FBXO33: variants seen among roughly 807,000 people sequenced by gnomAD.
The protein encoded by FBXO33 is F-box protein 33.
FBXO33 carries 22 observed loss-of-function variants against 46.3 expected under a neutral mutation model. The ratio of observed to expected loss-of-function variants is 0.48; its 90% confidence interval spans 0.34 to 0.68. The LOEUF is 0.68. Ranked by LOEUF, FBXO33 falls within the 30% of genes least tolerant of loss-of-function variation. FBXO33 has a pLI of 0.01. For synonymous variants in FBXO33, 337 were observed against 291.3 expected (o/e 1.16, Z -1.60); for missense variants, 692 against 708.8 (o/e 0.98, Z 0.27).
chr14:39,411,746 C>G (rs536464719), intron 1 of FBXO33, among the ~76,000 whole-genome samples: 1 of 152,210 alleles, frequency 6.6e-6, no homozygotes, highest in African/African-American at 2.4e-5. Flanking sequence ...TGGTCTCGAT[C>G]TCTTGACCTC....
intron 1 of FBXO33, among the ~76,000 whole-genome samples, chr14:39,409,477 C>T (rs1343972305): frequency 6.6e-6 from 1 of 152,170 alleles, no homozygotes; most frequent in South Asian, 2.1e-4. Context: ...GTTTTGATTA[C>T]TGCAGCTTTG....
intron 1 of FBXO33, among the ~76,000 whole-genome samples, chr14:39,420,774 G>T (rs73285591): frequency 0.021 from 3,268 of 152,210 alleles, 124 homozygotes; most frequent in African/African-American, 0.075. Context: ...GTATTAATGG[G>T]GGTTCATGTG....
At chr14:39,413,906 T>G (rs1380392871) in intron 1 of FBXO33, among the ~76,000 whole-genome samples, 1 of 152,202 alleles carries the variant, frequency 6.6e-6, no homozygotes, top group Admixed American at 6.5e-5. Context: ...ACAGGCAGAG[T>G]AGATTTAGCA....
chr14:39,399,473 C>T lies in FBXO33; in HGVS notation c.*43G>A. ...ACTGAAAAAAAAACATAATAGGACCCTACTTGCATATGTAACCACAGGAAT... is the reference window on the plus strand; with the variant it reads ...ACTGAAAAAAAAACATAATAGGACCTTACTTGCATATGTAACCACAGGAAT... On this transcript the variant is annotated 3_prime_UTR_variant, in exon 4 of 4. Coordinates refer to ENST00000298097, the MANE Select transcript of FBXO33 (RefSeq NM_203301.4). 6.4e-7 allele frequency: 1 copy of T among 1,555,516 alleles called. No homozygotes were observed. Among genetic ancestry groups the T allele is most frequent in the Non-Finnish European group, 8.7e-7 (1 of 1,147,658 alleles).
chr14:39,406,909 C>G (rs984280659), intron 1 of FBXO33, among the ~76,000 whole-genome samples: 6 of 152,068 alleles, frequency 3.9e-5, no homozygotes, highest in Non-Finnish European at 8.8e-5. Flanking sequence ...GCTATTAAAA[C>G]TATACTCCAT....
chr14:39,406,034 T>C (rs1013353296), intron 1 of FBXO33, among the ~76,000 whole-genome samples: 1 of 151,650 alleles, frequency 6.6e-6, no homozygotes, highest in Non-Finnish European at 1.5e-5. Context: ...ATGGCTTCCA[T>C]ATTAGACTCC....
intron 1 of FBXO33, among the ~76,000 whole-genome samples, chr14:39,413,373 T>C (rs1393723314): frequency 6.6e-6 from 1 of 152,204 alleles, no homozygotes; most frequent in Admixed American, 6.5e-5. Context: ...CTAGTTCTCT[T>C]GCAATTTTCA....
chr14:39,400,830 C>T (rs2075365271), intron 3 of FBXO33, among the ~76,000 whole-genome samples: 1 of 152,210 alleles, frequency 6.6e-6, no homozygotes, highest in Admixed American at 6.5e-5. Context: ...CATACATTCT[C>T]TTCCCCCGCA....
intron 1 of FBXO33, among the ~76,000 whole-genome samples, chr14:39,403,206 T>A (rs767180968): frequency 3.3e-5 from 5 of 152,180 alleles, no homozygotes; most frequent in Non-Finnish European, 7.4e-5. Context: ...CCTGAAGATA[T>A]CTACTCAGTT....
intron 1 of FBXO33, among the ~76,000 whole-genome samples, chr14:39,415,310 C>T (rs1233630061): frequency 3.3e-5 from 5 of 152,134 alleles, no homozygotes; most frequent in East Asian, 1.9e-4. Flanking sequence ...AAAATGACGA[C>T]GACAACAACA....
Position 39,432,132 on chromosome 14 carries a change from G to A in FBXO33, c.31C>T (p.Arg11Ter). The change falls in exon 1 of 4, where the codon CGA (arginine) becomes TGA (stop). Residue 11 changes from arginine to a stop codon, truncating the protein, a stop_gained. Transcript: ENST00000298097. LOFTEE classifies it high-confidence loss of function. MLLFLSVPQP[R>*]PPGARTRAGA... is the part of the protein sequence containing the mutation. ...GCTCGGGTTCGAGCTCCCGGCGGTC[G>A]GGGCTGCGGCACTGACAAGAACAAC... The A allele has an allele frequency of 8.1e-7, 1 of 1,240,510 alleles. No homozygotes were observed. The highest frequency in any genetic ancestry group is 1.0e-6 in the Non-Finnish European group (1 of 993,762). The allele number at this position is 1,240,510 out of a possible 1,614,324, so 76.8% of individuals were successfully genotyped here.
rs1419753984 is a variant in FBXO33 at position 39,398,518 on chromosome 14, G to C, written c.*998C>G. 1 of 145,410 alleles carries C rather than the reference G, an allele frequency of 6.9e-6. No homozygotes were observed. The highest frequency in any genetic ancestry group is 1.5e-5 in the Non-Finnish European group (1 of 67,304). 9.0% of individuals were successfully genotyped at this position (145,410 alleles called of 1,614,324 possible). ...TCAGAGTTCTGAGGTTGCTGACTGA[G>C]CCACAGCACAGCTGTGTACCACAGG... is the stretch of plus-strand genomic sequence containing the variant. On this transcript the variant is annotated 3_prime_UTR_variant, in exon 4 of 4. Coordinates refer to ENST00000298097, the MANE Select transcript of FBXO33 (RefSeq NM_203301.4).
intron 1 of FBXO33, among the ~76,000 whole-genome samples, chr14:39,403,516 GATCATGCCA>G (rs2075378455): frequency 6.6e-6 from 1 of 152,174 alleles, no homozygotes; most frequent in African/African-American, 2.4e-5. Flanking sequence ...AGTGAGCCAA[GATCATGCCA>G]CTGCACTCCA....
At chr14:39,414,018 T>C (rs73285577) in intron 1 of FBXO33, among the ~76,000 whole-genome samples, 5,355 of 152,288 alleles carry the variant, frequency 0.035, 343 homozygotes, top group African/African-American at 0.12. Flanking sequence ...AGCCTGTCTT[T>C]TGACGCTTTT....
rs1281065967 is a variant in FBXO33 at position 39,398,300 on chromosome 14, A to G, written c.*1216T>C. On this transcript the variant is annotated 3_prime_UTR_variant, in exon 4 of 4. Coordinates refer to ENST00000298097, the MANE Select transcript of FBXO33 (RefSeq NM_203301.4). ...CCGCGGTTGCCCTGAAACAGTTAAT[A>G]GGCTTTTAAAGCCTCTCAGATATAA... 6.6e-6 allele frequency: 1 copy of G among 152,664 alleles called. No homozygotes were observed. Among genetic ancestry groups the G allele is most frequent in the Non-Finnish European group, 1.5e-5 (1 of 68,046 alleles). The allele number at this position is 152,664 out of a possible 1,614,324, so 9.5% of individuals were successfully genotyped here.
At chr14:39,411,625 C>A (rs374272132) in intron 1 of FBXO33, among the ~76,000 whole-genome samples, 2 of 151,588 alleles carry the variant, frequency 1.3e-5, no homozygotes, top group African/African-American at 4.9e-5. Flanking sequence ...CGGGTTGAAG[C>A]GATTCTCCTG....
chr14:39,432,394 C>A lies in FBXO33; in HGVS notation c.-232G>T, dbSNP rs922640810. On this transcript the variant is annotated 5_prime_UTR_variant, in exon 1 of 4. Transcript: ENST00000298097. Reference sequence around the variant, plus strand: ...CTCAAGGCGTACTGTAAGGAAAAGGCAGCCCTCCCTGCGCCGGTCGGCAGA... The same window carrying A: ...CTCAAGGCGTACTGTAAGGAAAAGGAAGCCCTCCCTGCGCCGGTCGGCAGA... 8 of 270,334 alleles carry A rather than the reference C, an allele frequency of 3.0e-5. No individual in the cohort carries two copies. Among genetic ancestry groups the A allele is most frequent in the African/African-American group, 4.5e-5 (2 of 44,652 alleles). 16.7% of individuals were successfully genotyped at this position (270,334 alleles called of 1,614,324 possible). A position where few individuals can be genotyped will look rare whatever the true frequency, so the allele number is the denominator to read the frequency against.
intron 1 of FBXO33, among the ~76,000 whole-genome samples, chr14:39,417,139 G>A (rs2075452287): frequency 6.6e-6 from 1 of 152,172 alleles, no homozygotes; most frequent in Non-Finnish European, 1.5e-5. Context: ...CCTCCTAAAG[G>A]GAAAGGTTCC....
rs751545108 is a variant in FBXO33 at position 39,401,726 on chromosome 14, G to A, written c.846C>T (p.His282=). The change falls in exon 3 of 4, where the codon CAC becomes CAT. Residue 282 remains histidine, a synonymous_variant. Coordinates refer to ENST00000298097, the MANE Select transcript of FBXO33 (RefSeq NM_203301.4). The stretch of plus-strand genomic sequence containing the variant: ...GAATATTATTGTCCAGTAAACTGAG[G>A]TGCTCCATGGTGTTGGCAACAGCAT... ...LSNAVANTME[H]LSLLDNNIPG... 5 of 1,614,220 alleles carry A rather than the reference G, an allele frequency of 3.1e-6. No individual in the cohort carries two copies. The South Asian group carries it at 4.4e-5, about 14-fold the overall frequency.
Sources: allele counts gnomAD v4.1 joint callset (sites outside exome capture counted in the v4.1 genomes callset), GRCh38; gene constraint gnomAD v4.1.1; transcripts MANE v1.5; gene names NCBI Gene and HGNC (gene_info 2026-07-23, HGNC 2026-07-21).